Variants in SUSD3 observed in about 807,000 individuals in gnomAD.
The protein encoded by SUSD3 is sushi domain-containing protein 3.
Under a neutral mutation model 20.6 loss-of-function variants are expected in SUSD3, and 18 were observed. The observed-to-expected ratio is 0.87, with a 90% confidence interval of 0.60 to 1.30. The LOEUF is 1.30. Among genes scored for constraint, SUSD3 ranks in the 50% most tolerant of loss-of-function variants. SUSD3 has a pLI of 0.00. For missense variants in SUSD3, 306 were observed against 346.9 expected (o/e 0.88, Z 0.94); for synonymous variants, 137 against 141.5 (o/e 0.97, Z 0.23).
intron 1 of SUSD3, among the ~76,000 whole-genome samples, chr9:93,064,057 CT>C (rs1006369285): frequency 2.6e-5 from 4 of 151,280 alleles, no homozygotes; most frequent in Non-Finnish European, 4.4e-5. Context: ...GTGACTTCAC[CT>C]TTTTTTTTGA....
At chr9:93,059,002 G>A (rs1035667302) in intron 1 of SUSD3, among the ~76,000 whole-genome samples, 172 bp downstream of exon 1, 2 of 152,202 alleles carry the variant, frequency 1.3e-5, no homozygotes, top group African/African-American at 4.8e-5. Context: ...GCGCCCTAGC[G>A]GAGCCGAAGC....
intron 3 of SUSD3, 94 bp from the exon 4 acceptor site, chr9:93,079,377 C>T: frequency 1.1e-5 from 15 of 1,424,014 alleles, no homozygotes; most frequent in Non-Finnish European, 1.5e-5. Flanking sequence ...ACTGGTCCTG[C>T]AGACGGTGCC....
intron 1 of SUSD3, 49 bp from the exon 2 acceptor site, chr9:93,075,735 T>TTTCCCCCCCCCCCCCCCCCCCCCCC: frequency 4.0e-6 from 1 of 247,428 alleles, no homozygotes; most frequent in Non-Finnish European, 7.4e-6. Flanking sequence ...CTGCCCTGCG[T>TTTCCCCCCCCCCCCCCCCCCCCCCC]GCCCACCCCC....
intron 4 of SUSD3, among the ~76,000 whole-genome samples, chr9:93,082,980 G>A (rs889691688): frequency 6.6e-6 from 1 of 152,204 alleles, no homozygotes; most frequent in Non-Finnish European, 1.5e-5. Flanking sequence ...TTACACTGCG[G>A]GAACTTGTGC....
intron 1 of SUSD3, 29 bp from the exon 2 acceptor site, chr9:93,075,755 C>CCATGCCT: frequency 2.1e-6 from 1 of 474,314 alleles, no homozygotes; most frequent in Non-Finnish European, 3.5e-6. Flanking sequence ...CCCCCCCCCG[C>CCATGCCT]CATGCCTCAT....
intron 1 of SUSD3, among the ~76,000 whole-genome samples, chr9:93,070,857 A>G (rs749315157): frequency 8.5e-5 from 13 of 152,200 alleles, no homozygotes; most frequent in Non-Finnish European, 1.5e-4. Flanking sequence ...AGCACAGAGT[A>G]GAGCCTGGGC....
In SUSD3 at chr9:93,072,493, C is replaced by T. The variant is rs76789653; in HGVS notation, c.89-3291C>T. Among the ~76,000 whole-genome samples, 1,296 of 152,292 alleles carry T rather than the reference C, an allele frequency of 8.5e-3. 19 individuals are homozygous for T. Among genetic ancestry groups the T allele is most frequent in the African/African-American group, 0.029 (1,216 of 41,556 alleles). ...TTTTGCCAGATCCCAGACCAGACTTCGGAGCCTGGCCTGAAGCCCAGCTCT... is the reference window on the plus strand; with the variant it reads ...TTTTGCCAGATCCCAGACCAGACTTTGGAGCCTGGCCTGAAGCCCAGCTCT... On this transcript the variant is annotated intron_variant, in intron 1 of 4. Coordinates refer to ENST00000375472, the MANE Select transcript of SUSD3 (RefSeq NM_145006.4).
At position 93,075,817 on chromosome 9, in the gene SUSD3, C is replaced by T; in HGVS notation, c.122C>T (p.Ala41Val). Residue 41 changes from alanine to valine, a missense_variant, in exon 2 of 5, where the codon GCA (alanine) becomes GTA (valine). Coordinates refer to ENST00000375472, the MANE Select transcript of SUSD3 (RefSeq NM_145006.4). ...TCAKLRLPPQATFQVLRGNGA... is the reference protein window; with the variant it reads ...TCAKLRLPPQVTFQVLRGNGA... ...GCTAAGCTGCGGCTACCCCCGCAAGCAACCTTCCAAGTCCTTCGTGGCAAT... is the reference window on the plus strand; with the variant it reads ...GCTAAGCTGCGGCTACCCCCGCAAGTAACCTTCCAAGTCCTTCGTGGCAAT... 1 of 1,609,582 alleles carries T rather than the reference C, an allele frequency of 6.2e-7. No homozygotes were observed. The highest frequency in any genetic ancestry group is 8.5e-7 in the Non-Finnish European group (1 of 1,178,602).
intron 1 of SUSD3, among the ~76,000 whole-genome samples, chr9:93,073,196 C>A (rs546671967): frequency 9.2e-4 from 139 of 151,854 alleles, no homozygotes; most frequent in African/African-American, 2.9e-3. Flanking sequence ...TCCGGTCAGT[C>A]TCTGCCTCTG....
intron 1 of SUSD3, among the ~76,000 whole-genome samples, chr9:93,062,872 C>T (rs1275070081): frequency 6.6e-6 from 1 of 152,180 alleles, no homozygotes; most frequent in African/African-American, 2.4e-5. Context: ...TAGACCATAG[C>T]TCCTGGCACT....
intron 1 of SUSD3, among the ~76,000 whole-genome samples, chr9:93,062,866 C>G (rs2118905021): frequency 6.6e-6 from 1 of 152,286 alleles, no homozygotes; most frequent in East Asian, 1.9e-4. Flanking sequence ...ACTTTGTAGA[C>G]CATAGCTCCT....
intron 4 of SUSD3, among the ~76,000 whole-genome samples, chr9:93,084,083 G>A (rs1254346420): frequency 6.6e-6 from 1 of 152,118 alleles, no homozygotes; most frequent in East Asian, 1.9e-4. Context: ...GGTGGAGCAG[G>A]TGGGTGATCC....
At chr9:93,060,618 T>A (rs960365802) in intron 1 of SUSD3, among the ~76,000 whole-genome samples, 5 of 151,786 alleles carry the variant, frequency 3.3e-5, no homozygotes, top group Non-Finnish European at 5.9e-5. Flanking sequence ...ATTGCTTGAG[T>A]CCAGGAGCTC....
At chr9:93,069,192 C>G (rs1825824513) in intron 1 of SUSD3, 1 of 699,598 alleles carries the variant, frequency 1.4e-6, no homozygotes, top group Non-Finnish European at 2.6e-6. Flanking sequence ...GTGATGAAAT[C>G]TCACCCATCC....
chr9:93,074,724 C>T (rs1316501982), intron 1 of SUSD3, among the ~76,000 whole-genome samples: 2 of 148,738 alleles, frequency 1.3e-5, no homozygotes, highest in Admixed American at 1.4e-4. Context: ...AATCGATTCT[C>T]CTGCCTCAGC....
intron 2 of SUSD3, among the ~76,000 whole-genome samples, chr9:93,077,387 G>A (rs536226414): frequency 7.9e-5 from 12 of 152,040 alleles, no homozygotes; most frequent in Admixed American, 5.2e-4. Flanking sequence ...CCTCAGGCAG[G>A]ACTTCAGTGG....
At chr9:93,078,128 G>T in intron 3 of SUSD3, 135 bp downstream of exon 3, 1 of 1,230,120 alleles carries the variant, frequency 8.1e-7, no homozygotes, top group Admixed American at 2.1e-5. Context: ...GCTGCTCTGG[G>T]CCTGCGTCTC....
At chr9:93,075,731 T>TGGGGGGGGGGGGGGGG in intron 1 of SUSD3, 53 bp from the exon 2 acceptor site, 2 of 398,894 alleles carry the variant, frequency 5.0e-6, no homozygotes, top group Middle Eastern at 7.3e-4. Context: ...AGCCCTGCCC[T>TGGGGGGGGGGGGGGGG]GCGTGCCCAC....
intron 3 of SUSD3, 41 bp downstream of exon 3, chr9:93,078,034 C>A (rs767691426): frequency 6.2e-7 from 1 of 1,613,330 alleles, no homozygotes; most frequent in South Asian, 1.1e-5. Context: ...CCGGGAGGCG[C>A]CTCTTGGCAC....
Sources: gnomAD v4.1 joint callset for allele counts (sites outside exome capture counted in the v4.1 genomes callset) on GRCh38, gnomAD v4.1.1 for gene constraint, MANE v1.5 for transcripts, NCBI Gene and HGNC (gene_info 2026-07-23, HGNC 2026-07-21) for gene names.